The following COL4A6 variants were observed in gnomAD, a reference collection of about 807,000 sequenced individuals.
The protein encoded by COL4A6 is collagen alpha-6(IV) chain.
In COL4A6, 59 loss-of-function variants were observed where a neutral mutation model predicts 126.7. The ratio of observed to expected loss-of-function variants is 0.47; its 90% CI spans 0.38 to 0.58. COL4A6 has a LOEUF of 0.58. COL4A6 is among the 20% of genes least tolerant of loss of function. The pLI is 0.00. For missense variants in COL4A6, 1,285 were observed against 1,337.3 expected, an observed-to-expected ratio of 0.96 and a Z score of 0.61; for synonymous variants, 547 against 496.6, an observed-to-expected ratio of 1.10 and a Z score of -1.35.
intron 4 of COL4A6, among the ~76,000 whole-genome samples, chrX:108,220,280 CTG>C (rs1473508975): frequency 2.7e-5 from 3 of 112,290 alleles, no homozygotes; most frequent in African/African-American, 9.7e-5. Flanking sequence ...CTTCTAAACT[CTG>C]TTCCCAAGTG....
At chrX:108,404,169 G>A (rs2041156090) in intron 2 of COL4A6, among the ~76,000 whole-genome samples, 1 of 111,782 alleles carries the variant, frequency 8.9e-6, no homozygotes, top group Admixed American at 9.5e-5. Flanking sequence ...AGATTACTCA[G>A]TCTGTGGTGT....
chrX:108,221,240 C>T lies in COL4A6; in HGVS notation c.279G>A (p.Lys93=). 8.3e-7 allele frequency: 1 copy of T among 1,211,334 alleles called. No individual in the cohort carries two copies. The highest frequency in any genetic ancestry group is 2.2e-5 in the Admixed American group (1 of 46,060). ...AGAAATCAAGCTTTGCTGGTCTTAC[C>T]TTATCTCCTTTTGGTCCATAAGGTC... ...LLGPYGPKGD[K]GPMGVPGFLG... Residue 93 remains lysine, a splice_region_variant and synonymous_variant, in exon 4 of 45, where the codon AAG becomes AAA. Transcript: ENST00000334504.
chrX:108,436,822 C>A (rs1157707608), intron 2 of COL4A6, among the ~76,000 whole-genome samples: 1 of 111,792 alleles, frequency 8.9e-6, no homozygotes, highest in Non-Finnish European at 1.9e-5. Context: ...TTAAAGACAT[C>A]ATATGCCAAG....
At chrX:108,283,229 G>C (rs2037900441) in intron 3 of COL4A6, among the ~76,000 whole-genome samples, 1 of 112,032 alleles carries the variant, frequency 8.9e-6, no homozygotes, top group Non-Finnish European at 1.9e-5. Context: ...GAGGCACTCT[G>C]CTGAATCTTA....
rs2038738284 is a variant in COL4A6, at chrX:108,310,626, C to T, written c.144+122G>A. Reference sequence around the variant, plus strand: ...TTAGCAAAGCTCCTTCCAGCTGGTCCTCATCACTTTGCTTGTTCCATGAGG... The same window carrying T: ...TTAGCAAAGCTCCTTCCAGCTGGTCTTCATCACTTTGCTTGTTCCATGAGG... On this transcript the variant is annotated intron_variant, in intron 3 of 44. Transcript: ENST00000334504. 6 of 559,090 alleles carry T rather than the reference C, an allele frequency of 1.1e-5. No homozygotes were observed. In the Admixed American group the frequency reaches 1.2e-4, roughly 11 times the overall value. 46.1% of individuals were successfully genotyped at this position (559,090 alleles called of 1,213,427 possible). A position where few individuals can be genotyped will look rare whatever the true frequency, so the allele number is the denominator to read the frequency against.
chrX:108,439,323 ATAAAG>A (rs2064337586), upstream of COL4A6: 1 of 699,772 alleles, frequency 1.4e-6, no homozygotes, highest in Non-Finnish European at 2.1e-6. Flanking sequence ...TATAACACAC[ATAAAG>A]TATTCACGCA....
intron 2 of COL4A6, among the ~76,000 whole-genome samples, chrX:108,387,926 G>A (rs984439163): frequency 8.9e-6 from 1 of 111,847 alleles, no homozygotes; most frequent in Non-Finnish European, 1.9e-5. Flanking sequence ...TTAGCGTGAA[G>A]GGCTGTTGAA....
chrX:108,370,331 C>T (rs1465925626), intron 2 of COL4A6, among the ~76,000 whole-genome samples: 1 of 111,621 alleles, frequency 9.0e-6, no homozygotes, highest in Non-Finnish European at 1.9e-5. Context: ...GCTCTGCCTC[C>T]TCACAAATTC....
chrX:108,383,762 G>C, intron 2 of COL4A6: 1 of 517,547 alleles, frequency 1.9e-6, no homozygotes, highest in Non-Finnish European at 3.5e-6. Context: ...AAAGTGAGTG[G>C]GTACATCAGG....
At chrX:108,361,916 T>C (rs187929361) in intron 2 of COL4A6, among the ~76,000 whole-genome samples, 2 of 112,156 alleles carry the variant, frequency 1.8e-5, no homozygotes, top group East Asian at 2.8e-4. Context: ...GGGCTTACAA[T>C]CTCATCAGAA....
intron 40 of COL4A6, 192 bp from the exon 41 acceptor site, chrX:108,163,230 G>T: frequency 2.5e-6 from 1 of 393,942 alleles, no homozygotes; most frequent in South Asian, 5.1e-5. Flanking sequence ...CCCAGTGGTT[G>T]GGTAGCTCCA....
At chrX:108,405,174 TTTTTG>T (rs1271246657) in intron 2 of COL4A6, among the ~76,000 whole-genome samples, 1 of 110,853 alleles carries the variant, frequency 9.0e-6, no homozygotes, top group African/African-American at 3.3e-5. Flanking sequence ...TCATGGGTTT[TTTTTG>T]TTTTGTTTTG....
intron 13 of COL4A6, among the ~76,000 whole-genome samples, chrX:108,199,146 T>C (rs1204075038): frequency 1.8e-5 from 2 of 110,442 alleles, no homozygotes; most frequent in Non-Finnish European, 3.8e-5. Flanking sequence ...ACTTTGTCTC[T>C]TACAAAGATT....
intron 2 of COL4A6, among the ~76,000 whole-genome samples, chrX:108,360,883 G>A (rs1201307814): frequency 1.8e-5 from 2 of 110,757 alleles, no homozygotes; most frequent in Non-Finnish European, 3.8e-5. Context: ...AAGAAGTGGA[G>A]TCATTTTATA....
chrX:108,328,215 A>C (rs1043520224), intron 2 of COL4A6, among the ~76,000 whole-genome samples: 1 of 111,571 alleles, frequency 9.0e-6, no homozygotes, highest in African/African-American at 3.3e-5. Flanking sequence ...TGCAACTCCC[A>C]GTGAAGTAAT....
At chrX:108,246,522 T>C (rs906637561) in intron 3 of COL4A6, among the ~76,000 whole-genome samples, 1 of 112,214 alleles carries the variant, frequency 8.9e-6, no homozygotes, top group Admixed American at 9.5e-5. Context: ...GGCTGTGTTC[T>C]AACAAAACTT....
rs141528356 is a variant in COL4A6 at position 108,159,630 on chromosome X, G to T, written c.4644C>A (p.Ala1548=). Residue 1548 remains alanine, a synonymous_variant, in exon 44 of 45, where the codon GCC becomes GCA. Coordinates refer to ENST00000334504, the MANE Select transcript of COL4A6 (RefSeq NM_033641.4). ...NDKSYWLSTT[A]PIPMMPVSQT... Reference sequence around the variant, plus strand: ...GGCTGACGGGCATCATGGGGATAGGGGCGGTAGTGGAGAGCCAGTAAGATT... The same window carrying T: ...GGCTGACGGGCATCATGGGGATAGGTGCGGTAGTGGAGAGCCAGTAAGATT... 55 of 1,210,982 alleles carry T rather than the reference G, an allele frequency of 4.5e-5. No homozygotes were observed. In the African/African-American group the frequency reaches 8.0e-4, roughly 18 times the overall value.
At chrX:108,234,605 G>A (rs1355239824) in intron 3 of COL4A6, among the ~76,000 whole-genome samples, 1 of 112,020 alleles carries the variant, frequency 8.9e-6, no homozygotes, top group Non-Finnish European at 1.9e-5. Flanking sequence ...AATGCAACAT[G>A]GGCCTTGTCC....
At chrX:108,270,963 G>A (rs774909341) in intron 3 of COL4A6, among the ~76,000 whole-genome samples, 2 of 111,959 alleles carry the variant, frequency 1.8e-5, no homozygotes, top group East Asian at 2.8e-4. Context: ...AAAAGGCAAC[G>A]CGGCTTAGAG....
Sources: allele counts gnomAD v4.1 joint callset (sites outside exome capture counted in the v4.1 genomes callset), GRCh38; gene constraint gnomAD v4.1.1; transcripts MANE v1.5; gene names NCBI Gene and HGNC (gene_info 2026-07-23, HGNC 2026-07-21).